Variants in CSMD2 observed in about 807,000 individuals in gnomAD.
CSMD2 encodes CUB and Sushi multiple domains 2, also known as CUB and sushi domain-containing protein 2.
CSMD2 carries 130 observed loss-of-function variants against 398.5 expected under a neutral mutation model. The ratio of observed to expected loss-of-function variants is 0.33; its 90% CI spans 0.28 to 0.38. The LOEUF is 0.38. Ranked by LOEUF, CSMD2 falls within the 10% of genes least tolerant of loss-of-function variation. The pLI is 1.00. For missense variants in CSMD2, 3,829 were observed against 4,764.9 expected, an observed-to-expected ratio of 0.80 and a Z score of 5.78; for synonymous variants, 1,828 against 1,908.5, an observed-to-expected ratio of 0.96 and a Z score of 1.10.
chr1:33,913,896 G>A (rs1470617547), intron 5 of CSMD2, among the ~76,000 whole-genome samples: 1 of 152,066 alleles, frequency 6.6e-6, no homozygotes, highest in Admixed American at 6.6e-5. Context: ...TGGATCTAGT[G>A]GCTTCTCAGG....
intron 41 of CSMD2, 72 bp downstream of exon 41, chr1:33,610,969 C>T: frequency 7.0e-7 from 1 of 1,436,042 alleles, no homozygotes; most frequent in Non-Finnish European, 9.7e-7. Flanking sequence ...ACATGGAAGG[C>T]TGGGAAGGTG....
intron 5 of CSMD2, chr1:33,864,736 G>C (rs148700851): frequency 3.7e-6 from 6 of 1,609,608 alleles, no homozygotes; most frequent in Non-Finnish European, 5.1e-6. Context: ...AGAGGGAAAA[G>C]AGTCAGGCAG....
chr1:34,088,584 G>A (rs1250544875), intron 2 of CSMD2, among the ~76,000 whole-genome samples: 1 of 152,182 alleles, frequency 6.6e-6, no homozygotes, highest in Non-Finnish European at 1.5e-5. Flanking sequence ...GAAAAGTATT[G>A]ATGGTTTCAA....
intron 5 of CSMD2, among the ~76,000 whole-genome samples, chr1:33,849,175 T>C (rs1471836108): frequency 6.6e-6 from 1 of 152,232 alleles, no homozygotes; most frequent in African/African-American, 2.4e-5. Flanking sequence ...AGCTTTACTC[T>C]GTTCTGCTCC....
intron 12 of CSMD2, among the ~76,000 whole-genome samples, chr1:33,778,551 T>C (rs1048633816): frequency 6.6e-6 from 1 of 151,680 alleles, no homozygotes; most frequent in African/African-American, 2.4e-5. Flanking sequence ...ATCCATTATG[T>C]ATTTTTGATC....
chr1:33,970,241 T>A (rs1645710910), intron 3 of CSMD2, among the ~76,000 whole-genome samples: 1 of 152,160 alleles, frequency 6.6e-6, no homozygotes. Context: ...ATGCTTCAGA[T>A]GGTGAAGAAA....
At position 33,546,175 on chromosome 1, in the gene CSMD2, C is replaced by T; in HGVS notation, c.8962G>A (p.Gly2988Ser). The part of the protein sequence containing the change: ...VCGDPGIPAH[G>S]IRLGDSFDPG... ...TCAAAGCTGTCCCCCAAACGGATGC[C>T]ATGAGCCGGGATCCCAGGGTCACCG... The change falls in exon 57 of 71, where the codon GGC becomes AGC. Residue 2988 changes from glycine to serine, a missense_variant. Transcript: ENST00000373381. 1.2e-6 allele frequency: 2 copies of T among 1,614,178 alleles called. No individual in the cohort carries two copies. The highest frequency in any genetic ancestry group is 1.7e-6 in the Non-Finnish European group (2 of 1,179,992).
chr1:33,725,631 A>T lies in CSMD2; in HGVS notation c.2508-95T>A, dbSNP rs753764046. The T allele has an allele frequency of 4.3e-6, 5 of 1,171,640 alleles. No individual in the cohort carries two copies. In the African/African-American group the frequency reaches 7.7e-5, roughly 18 times the overall value. 72.6% of individuals were successfully genotyped at this position (1,171,640 alleles called of 1,614,324 possible). A position where few individuals can be genotyped will look rare whatever the true frequency, so the allele number is the denominator to read the frequency against. ...CTGCCTGACCCAGGGCTTCCGAATAACCAGATTTTGGCAGGCTGGGATCTT... is the reference window on the plus strand; with the variant it reads ...CTGCCTGACCCAGGGCTTCCGAATATCCAGATTTTGGCAGGCTGGGATCTT... On this transcript the variant is annotated intron_variant, in intron 16 of 70. Transcript: ENST00000373381.
At chr1:33,841,004 G>A (rs1660794485) in intron 6 of CSMD2, among the ~76,000 whole-genome samples, 1 of 152,190 alleles carries the variant, frequency 6.6e-6, no homozygotes, top group Non-Finnish European at 1.5e-5. Flanking sequence ...ATTATAAAAA[G>A]CCTCAACCAT....
At chr1:34,081,458 C>T (rs1259658782) in intron 2 of CSMD2, among the ~76,000 whole-genome samples, 5 of 150,676 alleles carry the variant, frequency 3.3e-5, no homozygotes, top group Non-Finnish European at 7.4e-5. Flanking sequence ...TTTCCATGGT[C>T]TCTCTCTGTT....
At chr1:33,760,579 C>T (rs1046113846) in intron 13 of CSMD2, among the ~76,000 whole-genome samples, 1 of 152,116 alleles carries the variant, frequency 6.6e-6, no homozygotes, top group Non-Finnish European at 1.5e-5. Flanking sequence ...TAGCTGTACG[C>T]ATTTGGGAGG....
chr1:33,798,282 T>C (rs1655186858), intron 10 of CSMD2, among the ~76,000 whole-genome samples: 1 of 152,186 alleles, frequency 6.6e-6, no homozygotes, highest in South Asian at 2.1e-4. Context: ...ACCCATTAGA[T>C]AAATGAATAA....
In CSMD2 at chr1:33,519,391, G is replaced by C. The variant is rs1654042352; in HGVS notation, c.*53+74C>G. ...CTATGTGGTGTGTGCGACTCCGTTG[G>C]GTGGAGCCCCTGGCACGCATAGGTC... On this transcript the variant is annotated intron_variant, in intron 70 of 70. Coordinates refer to ENST00000373381, the MANE Select transcript of CSMD2 (RefSeq NM_001281956.2). The surrounding 1 kb of genome is among the most constrained non-coding windows in gnomAD (Gnocchi z 5.6). 16 of 894,026 alleles carry C rather than the reference G, an allele frequency of 1.8e-5. No individual in the cohort carries two copies. The highest frequency in any genetic ancestry group is 4.6e-5 in the South Asian group (3 of 65,884). 55.4% of individuals were successfully genotyped at this position (894,026 alleles called of 1,614,324 possible). A position where few individuals can be genotyped will look rare whatever the true frequency, so the allele number is the denominator to read the frequency against.
At chr1:33,999,410 G>T (rs1646827761) in intron 3 of CSMD2, among the ~76,000 whole-genome samples, 1 of 151,888 alleles carries the variant, frequency 6.6e-6, no homozygotes. Context: ...CTATTTTTTT[G>T]AGATAGGGTC....
intron 1 of CSMD2, among the ~76,000 whole-genome samples, chr1:34,129,953 A>G (rs1264744994): frequency 1.3e-5 from 2 of 152,164 alleles, no homozygotes; most frequent in African/African-American, 4.8e-5. Context: ...CATAATATTA[A>G]TAATACCTCC....
At chr1:33,562,633 C>T (rs914561341) in intron 53 of CSMD2, among the ~76,000 whole-genome samples, 4 of 152,330 alleles carry the variant, frequency 2.6e-5, no homozygotes, top group African/African-American at 9.6e-5. Context: ...GATACCTAGA[C>T]ATATGGCCAA....
At chr1:33,700,855 GT>G (rs1370437615) in intron 22 of CSMD2, among the ~76,000 whole-genome samples, 182 bp from the exon 23 acceptor site, 2 of 152,192 alleles carry the variant, frequency 1.3e-5, no homozygotes, top group African/African-American at 4.8e-5. Flanking sequence ...AAGTTATCTC[GT>G]TTTCCCTTGA....
chr1:33,866,486 C>T (rs377174277), intron 5 of CSMD2, among the ~76,000 whole-genome samples: 4 of 152,330 alleles, frequency 2.6e-5, no homozygotes, highest in Admixed American at 6.5e-5. Context: ...GCAAAATTCC[C>T]GTTCCGCATT....
At position 33,643,889 on chromosome 1, in the gene CSMD2, TGAAGGAAGGAAGGAAGGAAGGAAG is replaced by T. The variant is rs3078758; in HGVS notation, c.4774+2735_4774+2758del. 6.5e-3 allele frequency among the ~76,000 whole-genome samples: 934 copies of T among 142,908 alleles called. 12 individuals are homozygous for T. The highest frequency in any genetic ancestry group is 0.023 in the African/African-American group (894 of 38,066). 93.8% of individuals were successfully genotyped at this position (142,908 alleles called of 152,430 possible). ...TATTAGGAGGTGTGTAGTCTGGGAA[TGAAGGAAGGAAGGAAGGAAGGAAG>T]GAAGGAAGGAAGGAAGGAAGGAACA... On this transcript the variant is annotated intron_variant, in intron 29 of 70. Transcript: ENST00000373381.
Sources: allele counts gnomAD v4.1 joint callset (sites outside exome capture counted in the v4.1 genomes callset), GRCh38; gene constraint gnomAD v4.1.1; non-coding constraint Gnocchi (gnomAD v3.1); transcripts MANE v1.5; gene names NCBI Gene and HGNC (gene_info 2026-07-23, HGNC 2026-07-21).